Variants in NR1H4 observed in about 807,000 individuals in gnomAD.
NR1H4 encodes nuclear receptor subfamily 1 group H member 4.
A neutral mutation model predicts 58.5 loss-of-function variants in NR1H4; 23 were observed. That is an observed-to-expected ratio of 0.39 (90% CI 0.28 to 0.56). The LOEUF is 0.56. Ranked by LOEUF, NR1H4 falls within the 20% of genes least tolerant of loss-of-function variation. NR1H4 has a pLI of 0.58. For synonymous variants in NR1H4, 214 were observed against 198.0 expected, an observed-to-expected ratio of 1.08 and a Z score of -0.68; for missense variants, 487 against 576.9, an observed-to-expected ratio of 0.84 and a Z score of 1.60.
chr12:100,541,438 C>T (rs1007392692), intron 9 of NR1H4, among the ~76,000 whole-genome samples: 2 of 151,940 alleles, frequency 1.3e-5, no homozygotes, highest in African/African-American at 4.8e-5. Context: ...TGTACTACCA[C>T]ACCCAGCTAA....
intron 3 of NR1H4, among the ~76,000 whole-genome samples, chr12:100,510,490 T>C (rs774816353): frequency 1.3e-5 from 2 of 151,634 alleles, no homozygotes; most frequent in Non-Finnish European, 2.9e-5. Flanking sequence ...TATCCCTTTT[T>C]CCATAGCTTC....
At chr12:100,504,298 G>A (rs1343116963) in intron 3 of NR1H4, among the ~76,000 whole-genome samples, 3 of 152,008 alleles carry the variant, frequency 2.0e-5, no homozygotes, top group Non-Finnish European at 2.9e-5. Flanking sequence ...GAAAAAACTC[G>A]AGTCATTTTT....
At chr12:100,483,122 C>T (rs1953416984) in intron 1 of NR1H4, among the ~76,000 whole-genome samples, 1 of 152,008 alleles carries the variant, frequency 6.6e-6, no homozygotes, top group Non-Finnish European at 1.5e-5. Context: ...GATGGAGTTT[C>T]ACCATGTTGG....
At chr12:100,485,257 G>A (rs550335299) in intron 1 of NR1H4, among the ~76,000 whole-genome samples, 106 of 152,208 alleles carry the variant, frequency 7.0e-4, no homozygotes, top group African/African-American at 2.3e-3. Flanking sequence ...GGACTGTATT[G>A]CAACCACAGT....
At chr12:100,553,102 A>G (rs777151890) in intron 9 of NR1H4, among the ~76,000 whole-genome samples, 1 of 151,988 alleles carries the variant, frequency 6.6e-6, no homozygotes, top group Non-Finnish European at 1.5e-5. Context: ...GGGTTCAAGC[A>G]ATTCTCCTGC....
intron 4 of NR1H4, chr12:100,525,558 A>T (rs1954534081): frequency 6.6e-6 from 1 of 152,178 alleles, no homozygotes; most frequent in South Asian, 2.1e-4. Flanking sequence ...AACAAAAACA[A>T]ATGCTAACAC....
intron 3 of NR1H4, among the ~76,000 whole-genome samples, chr12:100,496,089 C>T (rs1953709255): frequency 6.6e-6 from 1 of 152,174 alleles, no homozygotes; most frequent in Non-Finnish European, 1.5e-5. Flanking sequence ...ATGGAATAGT[C>T]TATGGATAGC....
intron 9 of NR1H4, among the ~76,000 whole-genome samples, chr12:100,556,630 G>A (rs186216736): frequency 6.3e-4 from 96 of 152,204 alleles, no homozygotes; most frequent in Admixed American, 5.2e-3. Flanking sequence ...GGCCTGTCTC[G>A]TGGCATGTAT....
intron 9 of NR1H4, among the ~76,000 whole-genome samples, chr12:100,551,847 C>G (rs551572204): frequency 1.3e-5 from 2 of 152,274 alleles, no homozygotes; most frequent in African/African-American, 4.8e-5. Context: ...TTGTATATAA[C>G]CTATGTACAT....
intron 9 of NR1H4, among the ~76,000 whole-genome samples, chr12:100,547,943 A>T (rs1457700943): frequency 6.7e-6 from 1 of 150,020 alleles, no homozygotes; most frequent in Non-Finnish European, 1.5e-5. Context: ...GATGGTCTCG[A>T]TCTCCTGACC....
chr12:100,528,978 C>T (rs1330297916), intron 4 of NR1H4, among the ~76,000 whole-genome samples: 1 of 152,072 alleles, frequency 6.6e-6, no homozygotes, highest in African/African-American at 2.4e-5. Context: ...ACATTGAGGT[C>T]ATGATTTGGT....
chr12:100,478,205 G>A (rs142116974), intron 1 of NR1H4, among the ~76,000 whole-genome samples: 4 of 152,164 alleles, frequency 2.6e-5, no homozygotes, highest in East Asian at 3.9e-4. Context: ...GGGAGAAGAC[G>A]TATATGGAGG....
chr12:100,482,081 G>A (rs1175785269), intron 1 of NR1H4, among the ~76,000 whole-genome samples: 1 of 152,064 alleles, frequency 6.6e-6, no homozygotes, highest in Non-Finnish European at 1.5e-5. Context: ...CAGCCCAGGT[G>A]AAAGAGAGAG....
chr12:100,520,499 C>T (rs779086036), intron 4 of NR1H4, among the ~76,000 whole-genome samples: 48 of 152,154 alleles, frequency 3.2e-4, no homozygotes, highest in Non-Finnish European at 6.5e-4. Flanking sequence ...AGGAAGCCAC[C>T]TCAGGACTGT....
intron 6 of NR1H4, 125 bp from the exon 7 acceptor site, chr12:100,536,387 C>T (rs535274279): frequency 1.5e-6 from 1 of 658,340 alleles, no homozygotes; most frequent in Non-Finnish European, 2.7e-6. Flanking sequence ...CTCATAGTTC[C>T]TGCTGTATTT....
intron 9 of NR1H4, among the ~76,000 whole-genome samples, chr12:100,544,329 C>T (rs1955009089): frequency 6.6e-6 from 1 of 150,868 alleles, no homozygotes; most frequent in Admixed American, 6.6e-5. Flanking sequence ...GGAATGATGA[C>T]TCATGACAAA....
At chr12:100,499,965 CT>C in intron 3 of NR1H4, 1 of 455,986 alleles carries the variant, frequency 2.2e-6, no homozygotes, top group East Asian at 6.9e-5. Context: ...AGAAGAATGC[CT>C]GGCACATCAC....
At chr12:100,552,802 C>G (rs1255970247) in intron 9 of NR1H4, among the ~76,000 whole-genome samples, 3 of 152,060 alleles carry the variant, frequency 2.0e-5, no homozygotes, top group Non-Finnish European at 2.9e-5. Flanking sequence ...ACCTGTAGTC[C>G]TAGCCACTCA....
intron 1 of NR1H4, among the ~76,000 whole-genome samples, chr12:100,489,551 T>A (rs1191887326): frequency 6.6e-6 from 1 of 152,184 alleles, no homozygotes; most frequent in Non-Finnish European, 1.5e-5. Context: ...TTTTTAACCA[T>A]CTGAAAATGT....
Sources: allele counts gnomAD v4.1 joint callset (sites outside exome capture counted in the v4.1 genomes callset), GRCh38; gene constraint gnomAD v4.1.1; transcripts MANE v1.5; gene names NCBI Gene and HGNC (gene_info 2026-07-23, HGNC 2026-07-21).